The following MAP3K9 variants were observed in gnomAD, a reference collection of about 807,000 sequenced individuals.
MAP3K9 encodes the protein mixed lineage kinase 1 (tyr and ser/thr specificity).
In MAP3K9, 46 loss-of-function variants were observed where a neutral mutation model predicts 95.8. The observed-to-expected ratio is 0.48, with a 90% CI of 0.38 to 0.61. MAP3K9 has a LOEUF of 0.61. MAP3K9 is among the 20% of genes least tolerant of loss of function. The pLI is 0.00. For missense variants in MAP3K9, 1,296 were observed against 1,474.3 expected, an observed-to-expected ratio of 0.88 and a Z score of 1.98; for synonymous variants, 533 against 593.8, an observed-to-expected ratio of 0.90 and a Z score of 1.49.
At chr14:70,748,797 C>T (rs375619521) in intron 5 of MAP3K9, 32 bp downstream of exon 5, 15 of 1,567,378 alleles carry the variant, frequency 9.6e-6, no homozygotes, top group Admixed American at 3.8e-5. Context: ...TCTTTTCGTT[C>T]GTTTTTTTGT....
chr14:70,736,626 A>G (rs1321659605), intron 8 of MAP3K9, among the ~76,000 whole-genome samples: 2 of 152,228 alleles, frequency 1.3e-5, no homozygotes, highest in East Asian at 3.8e-4. Flanking sequence ...AATAAAGTTA[A>G]TTTACTACCA....
At chr14:70,766,434 T>A (rs1352803518) in intron 2 of MAP3K9, among the ~76,000 whole-genome samples, 2 of 152,170 alleles carry the variant, frequency 1.3e-5, no homozygotes, top group Admixed American at 6.5e-5. Flanking sequence ...ACCATAGGGT[T>A]CAGCGCTCAA....
chr14:70,797,458 C>T (rs1021528590), intron 2 of MAP3K9, among the ~76,000 whole-genome samples: 2 of 151,880 alleles, frequency 1.3e-5, no homozygotes, highest in African/African-American at 2.4e-5. Context: ...TAAAAAAAGG[C>T]TTGGTGCACT....
At position 70,732,714 on chromosome 14, in the gene MAP3K9, T is replaced by C. The variant is rs766254232; in HGVS notation, c.2655A>G (p.Val885=). Residue 885 remains valine (V), a synonymous_variant, in exon 11 of 12, where the codon GTA becomes GTG. Coordinates refer to ENST00000554752, the MANE Select transcript of MAP3K9 (RefSeq NM_001284230.2). ...CTHNPLVNVR[V]ERFKRDPNQS... is the part of the protein sequence containing the mutation. ...GGTTAGGATCTCGTTTGAAGCGCTC[T>C]ACTCGGACATTGACCAGGGGGTTGT... is the stretch of plus-strand genomic sequence containing the variant. The C allele has an allele frequency of 6.9e-6, 11 of 1,602,086 alleles. No individual in the cohort carries two copies. In the African/African-American group the frequency reaches 1.5e-4, roughly 21 times the overall value.
At chr14:70,767,606 G>C (rs2054475248) in intron 2 of MAP3K9, among the ~76,000 whole-genome samples, 1 of 152,096 alleles carries the variant, frequency 6.6e-6, no homozygotes, top group Non-Finnish European at 1.5e-5. Flanking sequence ...AGGTCGGGTA[G>C]GGGACACACA....
At chr14:70,766,335 C>T (rs1035785467) in intron 2 of MAP3K9, among the ~76,000 whole-genome samples, 3 of 152,000 alleles carry the variant, frequency 2.0e-5, no homozygotes, top group African/African-American at 4.8e-5. Context: ...AGATTAAAGG[C>T]GATACAGCAA....
intron 11 of MAP3K9, among the ~76,000 whole-genome samples, chr14:70,732,302 C>T (rs1044438061): frequency 9.2e-5 from 14 of 152,086 alleles, no homozygotes; most frequent in African/African-American, 3.4e-4. Flanking sequence ...TCTGATTCTT[C>T]CTAGAACCTG....
chr14:70,762,536 T>C (rs1005655250), intron 2 of MAP3K9, among the ~76,000 whole-genome samples: 8 of 152,212 alleles, frequency 5.3e-5, no homozygotes, highest in African/African-American at 1.2e-4. Context: ...TGTTGTCCAT[T>C]TGTGTATCTT....
chr14:70,738,530 GC>G (rs1244747171), intron 7 of MAP3K9, 132 bp from the exon 8 acceptor site: 25 of 733,248 alleles, frequency 3.4e-5, no homozygotes, highest in Non-Finnish European at 5.1e-5. Flanking sequence ...AAAACTCTGT[GC>G]CCAAGTGGAC....
intron 2 of MAP3K9, among the ~76,000 whole-genome samples, chr14:70,787,226 T>C (rs184450242): frequency 1.7e-3 from 263 of 152,198 alleles, no homozygotes; most frequent in South Asian, 5.8e-3. Context: ...GATCAGTCAC[T>C]GGCTGGGCGC....
intron 2 of MAP3K9, among the ~76,000 whole-genome samples, chr14:70,787,915 G>C (rs1042170314): frequency 1.3e-5 from 2 of 152,134 alleles, no homozygotes; most frequent in African/African-American, 2.4e-5. Flanking sequence ...GATGATGTGA[G>C]GGGAGACAGA....
intron 2 of MAP3K9, among the ~76,000 whole-genome samples, chr14:70,782,220 T>TGCA (rs2054687275): frequency 6.6e-6 from 1 of 152,202 alleles, no homozygotes; most frequent in East Asian, 1.9e-4. Context: ...ATGGAAAGAA[T>TGCA]GCAGTGGAAG....
intron 2 of MAP3K9, among the ~76,000 whole-genome samples, chr14:70,765,875 A>C (rs1443530459): frequency 6.6e-6 from 1 of 152,120 alleles, no homozygotes; most frequent in East Asian, 1.9e-4. Flanking sequence ...CACGATGATG[A>C]AATTGCCTAA....
intron 2 of MAP3K9, chr14:70,783,470 TC>T: frequency 3.3e-6 from 3 of 903,916 alleles, no homozygotes; most frequent in Non-Finnish European, 2.6e-6. Context: ...TCACTCTTTG[TC>T]CCCTCCCCTT....
chr14:70,782,600 T>G (rs750849356), intron 2 of MAP3K9, among the ~76,000 whole-genome samples: 1 of 152,218 alleles, frequency 6.6e-6, no homozygotes, highest in Non-Finnish European at 1.5e-5. Flanking sequence ...TAAAGTTTCC[T>G]ATGAATCACT....
chr14:70,737,054 T>C (rs1388331604), intron 8 of MAP3K9, among the ~76,000 whole-genome samples: 2 of 152,182 alleles, frequency 1.3e-5, no homozygotes, highest in African/African-American at 4.8e-5. Flanking sequence ...AGAAGCTCTT[T>C]AGAAAGTCAC....
chr14:70,722,631 A>C lies in MAP3K9; in HGVS notation c.*7749T>G, dbSNP rs2053768199. Reference sequence around the variant, plus strand: ...CAATAAGAGGTTTAGCCATTGAACCAAGCCTGCTTGGCATCCCTAGTTAAC... The same window carrying C: ...CAATAAGAGGTTTAGCCATTGAACCCAGCCTGCTTGGCATCCCTAGTTAAC... On this transcript the variant is annotated 3_prime_UTR_variant, in exon 12 of 12. Transcript: ENST00000554752. 1 of 152,092 alleles carries C rather than the reference A, an allele frequency of 6.6e-6. No homozygotes were observed. The highest frequency in any genetic ancestry group is 1.5e-5 in the Non-Finnish European group (1 of 68,002). The allele number at this position is 152,092 out of a possible 1,614,324, so 9.4% of individuals were successfully genotyped here. A position where few individuals can be genotyped will look rare whatever the true frequency, so the allele number is the denominator to read the frequency against.
chr14:70,743,445 T>C (rs2054103705), intron 5 of MAP3K9, among the ~76,000 whole-genome samples: 1 of 151,980 alleles, frequency 6.6e-6, no homozygotes, highest in African/African-American at 2.4e-5. Context: ...GGAGAAAACT[T>C]TGCAATCTAT....
At position 70,734,421 on chromosome 14, in the gene MAP3K9, G is replaced by T. The variant is rs116289537; in HGVS notation, c.1991C>A (p.Pro664Gln). The T allele has an allele frequency of 6.2e-7, 1 of 1,614,002 alleles. No homozygotes were observed. Among genetic ancestry groups the T allele is most frequent in the East Asian group, 2.2e-5 (1 of 44,878 alleles). Residue 664 changes from proline to glutamine, a missense_variant, in exon 10 of 12, where the codon CCG (proline) becomes CAG (glutamine). Around this residue, in one of 5 missense-constraint regions of MAP3K9, gnomAD observed 377 missense variants for 417.1 expected, o/e 0.90. Coordinates refer to ENST00000554752, the MANE Select transcript of MAP3K9 (RefSeq NM_001284230.2). Reference sequence around the variant, plus strand: ...AAGGCTGGTGAACCCTGGCAGGGCCGGGCTACTCCTTGGGCCCTTCACCAG... The same window carrying T: ...AAGGCTGGTGAACCCTGGCAGGGCCTGGCTACTCCTTGGGCCCTTCACCAG... ...PNLVKGPRSS[P>Q]ALPGFTSLME...
Sources: gnomAD v4.1 joint callset for allele counts (sites outside exome capture counted in the v4.1 genomes callset) on GRCh38, gnomAD v4.1.1 for gene constraint, gnomAD v4.1.1 regional missense constraint, MANE v1.5 for transcripts, NCBI Gene and HGNC (gene_info 2026-07-23, HGNC 2026-07-21) for gene names.